The following EPHA5 variants were observed in gnomAD, a reference collection of about 807,000 sequenced individuals.
EPHA5 encodes ephrin type-A receptor 5.
EPHA5 carries 60 observed loss-of-function variants against 105.0 expected under a neutral mutation model. The ratio of observed to expected loss-of-function variants is 0.57; its 90% confidence interval spans 0.46 to 0.71. EPHA5 has a LOEUF of 0.71. EPHA5 is among the 30% of genes least tolerant of loss of function. The probability of loss-of-function intolerance (pLI) is 0.00; values close to 1 mark genes in which losing one functional copy is unlikely to be tolerated. For synonymous variants in EPHA5, 513 were observed against 449.1 expected, an observed-to-expected ratio of 1.14 and a Z score of -1.80; for missense variants, 1,218 against 1,274.7, an observed-to-expected ratio of 0.96 and a Z score of 0.68.
At chr4:65,563,351 A>G (rs1478815740) in intron 3 of EPHA5, among the ~76,000 whole-genome samples, 1 of 152,114 alleles carries the variant, frequency 6.6e-6, no homozygotes, top group Non-Finnish European at 1.5e-5. Context: ...CAAAGATTCA[A>G]GAAGTAAAGC....
chr4:65,383,700 G>A (rs1272721369), intron 8 of EPHA5, among the ~76,000 whole-genome samples: 1 of 151,652 alleles, frequency 6.6e-6, no homozygotes, highest in Admixed American at 6.6e-5. Context: ...AAGGAGTAAT[G>A]GTATCTTCCT....
intron 8 of EPHA5, among the ~76,000 whole-genome samples, chr4:65,391,166 C>T (rs906883811): frequency 1.3e-5 from 2 of 152,086 alleles, no homozygotes; most frequent in Non-Finnish European, 1.5e-5. Context: ...TCAATTACCT[C>T]CACCTGGTCT....
chr4:65,474,596 A>G (rs1004266617), intron 5 of EPHA5, among the ~76,000 whole-genome samples: 2 of 152,162 alleles, frequency 1.3e-5, no homozygotes, highest in Non-Finnish European at 2.9e-5. Context: ...CATTCAAAGT[A>G]TGTTTTGTCT....
chr4:65,345,065 A>G (rs1237304544), intron 14 of EPHA5, among the ~76,000 whole-genome samples: 1 of 152,194 alleles, frequency 6.6e-6, no homozygotes. Flanking sequence ...AACAGTAACA[A>G]TAATAGCATC....
At chr4:65,585,637 A>G (rs982596191) in intron 3 of EPHA5, among the ~76,000 whole-genome samples, 25 of 152,016 alleles carry the variant, frequency 1.6e-4, no homozygotes, top group African/African-American at 5.5e-4. Context: ...AAAACAAAAC[A>G]AAATAAAAGA....
intron 3 of EPHA5, among the ~76,000 whole-genome samples, chr4:65,538,768 T>A (rs1336832267): frequency 6.6e-6 from 1 of 151,634 alleles, no homozygotes; most frequent in Non-Finnish European, 1.5e-5. Context: ...TTGGGCAGAT[T>A]GGATATGAGG....
rs1287353180 is a variant in EPHA5, at chr4:65,321,041, T to C, written c.*3073A>G. 4.3e-6 allele frequency: 1 copy of C among 230,308 alleles called. No individual in the cohort carries two copies. The highest frequency in any genetic ancestry group is 8.6e-6 in the Non-Finnish European group (1 of 116,242). The allele number at this position is 230,308 out of a possible 1,614,324, so 14.3% of individuals were successfully genotyped here. On this transcript the variant is annotated 3_prime_UTR_variant, in exon 17 of 17. Coordinates refer to ENST00000613740, the MANE Select transcript of EPHA5 (RefSeq NM_001281766.3). ...AAAGAGCAACTGGTTATATTAATAG[T>C]ATATATGAGCAAATGACAAGATTAG...
chr4:65,568,076 G>A (rs572120113), intron 3 of EPHA5, among the ~76,000 whole-genome samples: 14 of 151,428 alleles, frequency 9.2e-5, no homozygotes, highest in African/African-American at 3.4e-4. Flanking sequence ...TCATGTAAAG[G>A]CTCTCTCTTG....
chr4:65,542,264 C>A (rs915772691), intron 3 of EPHA5, among the ~76,000 whole-genome samples: 2 of 151,514 alleles, frequency 1.3e-5, no homozygotes, highest in African/African-American at 2.4e-5. Flanking sequence ...GATAAAGACA[C>A]AACAAACATC....
At chr4:65,502,564 G>T (rs1022757559) in intron 3 of EPHA5, among the ~76,000 whole-genome samples, 2 of 151,870 alleles carry the variant, frequency 1.3e-5, no homozygotes, top group Non-Finnish European at 2.9e-5. Context: ...TCTCACAATA[G>T]TCACTATGGT....
chr4:65,637,569 C>CATATATATAT (rs34456844), intron 2 of EPHA5, among the ~76,000 whole-genome samples: 7,122 of 112,010 alleles, frequency 0.064, 423 homozygotes, highest in Non-Finnish European at 0.093. Context: ...ATGAGTTTTG[C>CATATATATAT]ATATATATAT....
In EPHA5 at chr4:65,448,870, T is replaced by C. The variant is rs1292116286; in HGVS notation, c.1403-28305A>G. 2.0e-5 allele frequency among the ~76,000 whole-genome samples: 3 copies of C among 152,108 alleles called. No individual in the cohort carries two copies. The East Asian group carries it at 5.8e-4, about 29-fold the overall frequency. On this transcript the variant is annotated intron_variant, in intron 5 of 16. Coordinates refer to ENST00000613740, the MANE Select transcript of EPHA5 (RefSeq NM_001281766.3). ...CTGAAATGACACTCACATCATAATA[T>C]ATAAGAAAATAAATCATAGGGAAAT...
chr4:65,617,734 T>G (rs1745368801), intron 2 of EPHA5, among the ~76,000 whole-genome samples: 1 of 151,972 alleles, frequency 6.6e-6, no homozygotes, highest in African/African-American at 2.4e-5. Flanking sequence ...TTTTTAAGAG[T>G]TGATAGCTCC....
intron 16 of EPHA5, among the ~76,000 whole-genome samples, chr4:65,326,793 C>T (rs1458911086): frequency 6.6e-6 from 1 of 151,116 alleles, no homozygotes; most frequent in East Asian, 1.9e-4. Flanking sequence ...AATATATATG[C>T]TTAAATTGCA....
At chr4:65,508,277 A>T (rs1413029160) in intron 3 of EPHA5, among the ~76,000 whole-genome samples, 1 of 152,142 alleles carries the variant, frequency 6.6e-6, no homozygotes, top group East Asian at 1.9e-4. Context: ...TGCTTTGATT[A>T]ATTCATGTCT....
intron 1 of EPHA5, among the ~76,000 whole-genome samples, chr4:65,657,218 G>C (rs1310901787): frequency 6.6e-6 from 1 of 151,994 alleles, no homozygotes; most frequent in Non-Finnish European, 1.5e-5. Flanking sequence ...ACAAATGAAA[G>C]AGTAAATCCT....
intron 11 of EPHA5, among the ~76,000 whole-genome samples, chr4:65,361,007 C>A (rs1717252847): frequency 6.6e-6 from 1 of 151,610 alleles, no homozygotes; most frequent in African/African-American, 2.4e-5. Context: ...TAGACAATTA[C>A]TTCTGACTGA....
chr4:65,331,362 A>C (rs561185606), intron 16 of EPHA5: 1 of 1,040,190 alleles, frequency 9.6e-7, no homozygotes, highest in East Asian at 5.8e-5. Context: ...ATAAGGTTTG[A>C]TAAATTTTAT....
intron 3 of EPHA5, among the ~76,000 whole-genome samples, chr4:65,529,659 A>T (rs961326262): frequency 7.9e-5 from 12 of 152,134 alleles, no homozygotes; most frequent in African/African-American, 2.9e-4. Flanking sequence ...AATAAATGTC[A>T]TGGTTTCAGT....
Sources: allele counts gnomAD v4.1 joint callset (sites outside exome capture counted in the v4.1 genomes callset), GRCh38; gene constraint gnomAD v4.1.1; transcripts MANE v1.5; gene names NCBI Gene and HGNC (gene_info 2026-07-23, HGNC 2026-07-21).